The following STRN variants were observed in gnomAD, a reference collection of about 807,000 sequenced individuals.
STRN encodes the protein protein phosphatase 2 regulatory subunit B'''alpha.
Under a neutral mutation model 96.3 loss-of-function variants are expected in STRN, and 53 were observed. That is an observed-to-expected ratio of 0.55 (90% CI 0.44 to 0.69). The LOEUF (loss-of-function observed/expected upper bound fraction) is 0.69, where lower values mean the gene tolerates loss of function less well. Among genes scored for constraint, STRN ranks in the 30% least tolerant of loss-of-function variants. STRN has a pLI of 0.00. For missense variants in STRN, 987 were observed against 963.9 expected (o/e 1.02, Z -0.32); for synonymous variants, 428 against 355.9 (o/e 1.20, Z -2.28).
chr2:36,863,337 G>C (rs1228243658), intron 12 of STRN, among the ~76,000 whole-genome samples: 1 of 152,104 alleles, frequency 6.6e-6, no homozygotes, highest in Admixed American at 6.5e-5. Context: ...TAATCCGTCT[G>C]AATTGATTTT....
chr2:36,864,066 T>C (rs565026252), intron 12 of STRN, among the ~76,000 whole-genome samples: 15 of 152,314 alleles, frequency 9.8e-5, no homozygotes, highest in South Asian at 8.3e-4. Context: ...GAAGAGACTA[T>C]AGCATTTTTT....
chr2:36,906,961 C>A (rs1489113702), intron 3 of STRN, among the ~76,000 whole-genome samples: 1 of 151,564 alleles, frequency 6.6e-6, no homozygotes, highest in Non-Finnish European at 1.5e-5. Flanking sequence ...CTCAAGTATT[C>A]TTTTAATGAC....
At chr2:36,924,823 G>A (rs958672062) in intron 2 of STRN, among the ~76,000 whole-genome samples, 1 of 152,140 alleles carries the variant, frequency 6.6e-6, no homozygotes, top group African/African-American at 2.4e-5. Flanking sequence ...TTAGGAGGCC[G>A]AGGTGGGCAG....
chr2:36,944,489 T>G (rs1355130335), intron 1 of STRN, among the ~76,000 whole-genome samples: 1 of 152,096 alleles, frequency 6.6e-6, no homozygotes, highest in African/African-American at 2.4e-5. Flanking sequence ...ATCCATTACA[T>G]AAGCCCATGT....
intron 1 of STRN, among the ~76,000 whole-genome samples, chr2:36,961,453 G>C (rs537606473): frequency 6.6e-6 from 1 of 151,922 alleles, no homozygotes; most frequent in Non-Finnish European, 1.5e-5. Flanking sequence ...AGTCATCTTT[G>C]ACTCCCCTTT....
At chr2:36,960,458 G>C (rs1665001739) in intron 1 of STRN, among the ~76,000 whole-genome samples, 1 of 152,186 alleles carries the variant, frequency 6.6e-6, no homozygotes, top group African/African-American at 2.4e-5. Context: ...CATGACTGAA[G>C]ATTATGCTTT....
At chr2:36,862,199 G>A (rs149970412) in intron 12 of STRN, among the ~76,000 whole-genome samples, 7 of 152,270 alleles carry the variant, frequency 4.6e-5, no homozygotes, top group African/African-American at 1.7e-4. Context: ...CCATGTCTTT[G>A]CTACTATGTG....
chr2:36,956,273 T>C (rs1664885568), intron 1 of STRN, among the ~76,000 whole-genome samples: 1 of 152,232 alleles, frequency 6.6e-6, no homozygotes, highest in Non-Finnish European at 1.5e-5. Context: ...ACACCCATCA[T>C]ATATCACATA....
At chr2:36,925,245 C>CCAAAA in intron 1 of STRN, 37 bp from the exon 2 acceptor site, 2 of 1,533,208 alleles carry the variant, frequency 1.3e-6, no homozygotes. Context: ...TCAGTTTAGA[C>CCAAAA]CAAAAAAAAA....
At chr2:36,886,993 C>G (rs557705253) in intron 7 of STRN, among the ~76,000 whole-genome samples, 167 bp from the exon 8 acceptor site, 41 of 151,152 alleles carry the variant, frequency 2.7e-4, no homozygotes, top group Non-Finnish European at 5.7e-4. Flanking sequence ...AATATAATCA[C>G]TAAGAAGAAA....
chr2:36,959,048 G>A lies in STRN; in HGVS notation c.234+7182C>T, dbSNP rs780333124. On this transcript the variant is annotated intron_variant, in intron 1 of 17. Transcript: ENST00000263918. The stretch of plus-strand genomic sequence containing the variant: ...GGAGAATTGCTTGAACCCAGGAGGC[G>A]GAGGTTGCAGTGAGCCGAGATTGTG... 1.1e-3 allele frequency among the ~76,000 whole-genome samples: 169 copies of A among 152,182 alleles called. 3 individuals are homozygous for A. The highest frequency in any genetic ancestry group is 9.7e-4 in the East Asian group (5 of 5,170).
chr2:36,877,702 A>AT (rs1207671884), intron 10 of STRN, among the ~76,000 whole-genome samples, 189 bp downstream of exon 10: 2 of 152,104 alleles, frequency 1.3e-5, no homozygotes, highest in African/African-American at 4.8e-5. Context: ...TGCCTGGCTA[A>AT]TTTTTTGTAT....
At chr2:36,914,420 T>C (rs1450729291) in intron 3 of STRN, among the ~76,000 whole-genome samples, 1 of 152,206 alleles carries the variant, frequency 6.6e-6, no homozygotes, top group Non-Finnish European at 1.5e-5. Context: ...TTAATATAGT[T>C]TTAGAACAGT....
chr2:36,927,517 A>AG (rs1324044997), intron 1 of STRN, among the ~76,000 whole-genome samples: 2 of 84,868 alleles, frequency 2.4e-5, no homozygotes, highest in African/African-American at 1.2e-4. Context: ...TCAAAAAAAC[A>AG]AAAAAAAGGG....
At chr2:36,943,422 AC>A (rs1219181607) in intron 1 of STRN, among the ~76,000 whole-genome samples, 5 of 151,706 alleles carry the variant, frequency 3.3e-5, no homozygotes, top group African/African-American at 1.2e-4. Flanking sequence ...GATTAATAAA[AC>A]TTTTACGAAG....
intron 4 of STRN, 161 bp from the exon 5 acceptor site, chr2:36,902,912 A>C: frequency 4.2e-6 from 2 of 479,180 alleles, no homozygotes; most frequent in Non-Finnish European, 6.8e-6. Flanking sequence ...CCAGCTGCAG[A>C]TGGAGCTGTC....
rs1026538576 is a variant in STRN at position 36,837,926 on chromosome 2, C to T, written c.*11530G>A. 1.3e-5 allele frequency among the ~76,000 whole-genome samples: 2 copies of T among 152,092 alleles called. No homozygotes were observed. Among genetic ancestry groups the T allele is most frequent in the Non-Finnish European group, 2.9e-5 (2 of 68,010 alleles). Reference sequence around the variant, plus strand: ...AAAAATGTATATAAAAGTATAACTACGAATATTTGTGGTAGGCAGAATTCT... The same window carrying T: ...AAAAATGTATATAAAAGTATAACTATGAATATTTGTGGTAGGCAGAATTCT... On this transcript the variant is annotated 3_prime_UTR_variant, in exon 18 of 18. Coordinates refer to ENST00000263918, the MANE Select transcript of STRN (RefSeq NM_003162.4).
At chr2:36,852,575 G>T (rs1668247256) in intron 15 of STRN, among the ~76,000 whole-genome samples, 1 of 152,140 alleles carries the variant, frequency 6.6e-6, no homozygotes, top group Admixed American at 6.5e-5. Flanking sequence ...AAAAGCAAAT[G>T]TGACAAAATG....
intron 7 of STRN, among the ~76,000 whole-genome samples, chr2:36,889,694 G>T (rs1307460194): frequency 6.6e-6 from 1 of 151,906 alleles, no homozygotes; most frequent in Admixed American, 6.6e-5. Context: ...CACTCAATTA[G>T]ACAAGATTTG....
Sources: allele counts gnomAD v4.1 joint callset (sites outside exome capture counted in the v4.1 genomes callset), GRCh38; gene constraint gnomAD v4.1.1; transcripts MANE v1.5; gene names NCBI Gene and HGNC (gene_info 2026-07-23, HGNC 2026-07-21).